NPR3: variants seen among roughly 807,000 people sequenced by gnomAD.
The protein encoded by NPR3 is atrial natriuretic peptide receptor 3.
NPR3 carries 34 observed loss-of-function variants against 54.5 expected under a neutral mutation model. That is an observed-to-expected ratio of 0.62 (90% CI 0.47 to 0.83). The LOEUF (loss-of-function observed/expected upper bound fraction) is 0.83. NPR3 is among the 40% of genes least tolerant of loss of function. NPR3 has a pLI of 0.00. For missense variants in NPR3, 674 were observed against 720.8 expected (o/e 0.94, Z 0.74); for synonymous variants, 289 against 297.1 (o/e 0.97, Z 0.28).
chr5:32,705,413 T>C (rs1040993491), upstream of NPR3, among the ~76,000 whole-genome samples: 2 of 152,224 alleles, frequency 1.3e-5, no homozygotes, highest in Non-Finnish European at 2.9e-5. Flanking sequence ...AGAGGTTTAA[T>C]TGGCTCACAG....
chr5:32,738,932 A>G lies in NPR3; in HGVS notation c.961A>G (p.Thr321Ala). Reference sequence around the variant, plus strand: ...TAAGCAAGCATACTCGTCCCTCCAGACAGTCACTCTACTGAGGACAGTGAA... The same window carrying G: ...TAAGCAAGCATACTCGTCCCTCCAGGCAGTCACTCTACTGAGGACAGTGAA... ...EAKQAYSSLQ[T>A]VTLLRTVKPE... The change falls in exon 3 of 8, where the codon ACA becomes GCA. Residue 321 changes from threonine to alanine, a missense_variant. Coordinates refer to ENST00000265074, the MANE Select transcript of NPR3 (RefSeq NM_001204375.2). The G allele has an allele frequency of 1.2e-6, 2 of 1,613,936 alleles. No individual in the cohort carries two copies. The highest frequency in any genetic ancestry group is 1.7e-6 in the Non-Finnish European group (2 of 1,179,816).
At chr5:32,701,523 G>C (rs769964971) in intron 1 of NPR3, among the ~76,000 whole-genome samples, 1 of 152,122 alleles carries the variant, frequency 6.6e-6, no homozygotes, top group Non-Finnish European at 1.5e-5. Context: ...GCCTTATTTA[G>C]TTCATTTGGT....
chr5:32,773,178 A>C, intron 3 of NPR3, among the ~76,000 whole-genome samples: 1 of 152,182 alleles, frequency 6.6e-6, no homozygotes, highest in Non-Finnish European at 1.5e-5. Flanking sequence ...CAGAATGCCC[A>C]GTTCATTCTG....
At chr5:32,736,968 T>G (rs1321406592) in intron 2 of NPR3, among the ~76,000 whole-genome samples, 3 of 152,218 alleles carry the variant, frequency 2.0e-5, no homozygotes, top group Non-Finnish European at 4.4e-5. Flanking sequence ...GGATTATGAT[T>G]ATACAGATGC....
chr5:32,722,224 C>G (rs11948058), intron 1 of NPR3, among the ~76,000 whole-genome samples: 7,732 of 152,100 alleles, frequency 0.051, 666 homozygotes, highest in African/African-American at 0.18. Context: ...GTCCTTGGAC[C>G]CTGGCTGTTT....
chr5:32,720,537 C>A (rs1261391707), intron 1 of NPR3, among the ~76,000 whole-genome samples: 1 of 152,102 alleles, frequency 6.6e-6, no homozygotes, highest in Non-Finnish European at 1.5e-5. Flanking sequence ...ACTGTGGGAA[C>A]CAGATGATGG....
intron 1 of NPR3, among the ~76,000 whole-genome samples, chr5:32,723,728 A>G (rs776932703): frequency 3.9e-5 from 6 of 152,184 alleles, no homozygotes; most frequent in African/African-American, 7.2e-5. Context: ...CTTTTGGAAA[A>G]GACGTAAGAA....
intron 2 of NPR3, among the ~76,000 whole-genome samples, chr5:32,725,058 T>C (rs1445707171): frequency 3.3e-5 from 5 of 151,556 alleles, no homozygotes; most frequent in African/African-American, 1.2e-4. Context: ...CACTTACAAG[T>C]GGGAGCTAAA....
At chr5:32,733,047 A>G (rs1464067814) in intron 2 of NPR3, among the ~76,000 whole-genome samples, 2 of 151,824 alleles carry the variant, frequency 1.3e-5, no homozygotes. Flanking sequence ...GTTTCACCAT[A>G]TTGGCTAGGC....
intron 1 of NPR3, among the ~76,000 whole-genome samples, chr5:32,723,148 A>T (rs1248471899): frequency 2.0e-5 from 3 of 152,216 alleles, no homozygotes; most frequent in Admixed American, 6.5e-5. Context: ...GAACATACAC[A>T]TCTTGGAGGG....
chr5:32,739,130 T>C, intron 3 of NPR3, 100 bp downstream of exon 3: 1 of 1,233,756 alleles, frequency 8.1e-7, no homozygotes, highest in South Asian at 1.6e-5. Context: ...CATTCAAAAA[T>C]TCCTAGGTTC....
chr5:32,777,583 C>T (rs1742123941), intron 4 of NPR3, among the ~76,000 whole-genome samples: 1 of 152,172 alleles, frequency 6.6e-6, no homozygotes, highest in Admixed American at 6.5e-5. Flanking sequence ...TCAGTTGGGA[C>T]TCCTGTCCCT....
chr5:32,739,787 T>TG, intron 3 of NPR3, among the ~76,000 whole-genome samples: 1 of 152,324 alleles, frequency 6.6e-6, no homozygotes, highest in Non-Finnish European at 1.5e-5. Flanking sequence ...TAGAACAGGA[T>TG]GAGTGATGGG....
At chr5:32,767,429 C>A (rs1741531716) in intron 3 of NPR3, among the ~76,000 whole-genome samples, 1 of 152,232 alleles carries the variant, frequency 6.6e-6, no homozygotes, top group Non-Finnish European at 1.5e-5. Context: ...GTTTACATAA[C>A]TCCTAGCATA....
chr5:32,754,382 A>G (rs981145805), intron 3 of NPR3, among the ~76,000 whole-genome samples: 7 of 151,778 alleles, frequency 4.6e-5, no homozygotes, highest in Middle Eastern at 6.8e-3. Flanking sequence ...AAGCACTTTG[A>G]GTGATAGTAG....
At chr5:32,708,129 T>C (rs1479274033), upstream of NPR3, among the ~76,000 whole-genome samples, 1 of 152,088 alleles carries the variant, frequency 6.6e-6, no homozygotes, top group East Asian at 1.9e-4. Context: ...TGTCTTTCTT[T>C]CAAATGGCTA....
chr5:32,701,808 C>A (rs1007257968), intron 1 of NPR3, among the ~76,000 whole-genome samples: 3 of 152,186 alleles, frequency 2.0e-5, no homozygotes, highest in Non-Finnish European at 4.4e-5. Flanking sequence ...TTGGATGAGA[C>A]ACGAAAGAGT....
chr5:32,700,448 C>G (rs192883314), intron 1 of NPR3, among the ~76,000 whole-genome samples: 1 of 151,876 alleles, frequency 6.6e-6, no homozygotes, highest in East Asian at 1.9e-4. Flanking sequence ...GCACAATGTG[C>G]AGGTTTGTTA....
At chr5:32,728,837 GTATATATATATATATA>G (rs70961659) in intron 2 of NPR3, among the ~76,000 whole-genome samples, 6 of 48,012 alleles carry the variant, frequency 1.2e-4, no homozygotes, top group East Asian at 2.1e-3. Context: ...GTGTGTGTGT[GTATATATATATATATA>G]TATATATATA....
Sources: gnomAD v4.1 joint callset for allele counts (sites outside exome capture counted in the v4.1 genomes callset) on GRCh38, gnomAD v4.1.1 for gene constraint, MANE v1.5 for transcripts, NCBI Gene and HGNC (gene_info 2026-07-23, HGNC 2026-07-21) for gene names.